ALPK1: variants seen among roughly 807,000 people sequenced by gnomAD.
ALPK1 encodes alpha kinase 1.
In ALPK1, 110 loss-of-function variants were observed where a neutral mutation model predicts 120.6. That is an observed-to-expected ratio of 0.91 (90% CI 0.78 to 1.07). ALPK1 has a LOEUF of 1.07. Among genes scored for constraint, ALPK1 ranks in the 50% least tolerant of loss-of-function variants. The pLI is 0.00. For missense variants in ALPK1, 1,498 were observed against 1,483.9 expected (o/e 1.01, Z -0.16); for synonymous variants, 582 against 560.3 (o/e 1.04, Z -0.55).
At chr4:112,423,333 C>A (rs1734081119) in intron 5 of ALPK1, among the ~76,000 whole-genome samples, 1 of 151,862 alleles carries the variant, frequency 6.6e-6, no homozygotes, top group South Asian at 2.1e-4. Context: ...AAGTAGAGGG[C>A]CAAGAAGGAA....
At chr4:112,440,605 A>G (rs1260049248) in intron 14 of ALPK1, among the ~76,000 whole-genome samples, 1 of 152,202 alleles carries the variant, frequency 6.6e-6, no homozygotes, top group African/African-American at 2.4e-5. Context: ...ATTCCATATT[A>G]TGATATTGAT....
At chr4:112,347,765 C>T (rs144004470) in intron 2 of ALPK1, among the ~76,000 whole-genome samples, 15 of 152,312 alleles carry the variant, frequency 9.8e-5, no homozygotes, top group African/African-American at 3.1e-4. Flanking sequence ...ATGCATTAAA[C>T]TTCTAAGTTA....
intron 2 of ALPK1, among the ~76,000 whole-genome samples, chr4:112,373,152 A>G (rs1731492432): frequency 6.6e-6 from 1 of 152,332 alleles, no homozygotes; most frequent in East Asian, 1.9e-4. Flanking sequence ...TCTCAATGCT[A>G]ACCTCCCATT....
chr4:112,383,003 C>T (rs1175294611), intron 4 of ALPK1: 1 of 170,204 alleles, frequency 5.9e-6, no homozygotes, highest in African/African-American at 2.4e-5. Context: ...ACCTAGGGTC[C>T]TGTTGACTTT....
intron 2 of ALPK1, among the ~76,000 whole-genome samples, chr4:112,350,103 GA>G (rs1730287339): frequency 1.3e-5 from 2 of 152,156 alleles, no homozygotes; most frequent in Non-Finnish European, 2.9e-5. Context: ...TCAAGACAGT[GA>G]AACCACAATT....
At position 112,411,948 on chromosome 4, in the gene ALPK1, G is replaced by A. The variant is rs776648904; in HGVS notation, c.398G>A (p.Gly133Asp). 12 of 1,614,022 alleles carry A rather than the reference G, an allele frequency of 7.4e-6. No individual in the cohort carries two copies. In the Admixed American group the frequency reaches 1.8e-4, roughly 25 times the overall value. Residue 133 changes from glycine to aspartate, a missense_variant, in exon 5 of 16, where the codon GGT (glycine) becomes GAT (aspartate). Gly to Asp is a moderately conservative substitution (Grantham distance 94, BLOSUM62 -1). Transcript: ENST00000650871. ...GGAAAACTTCTGCAGGTCGCCAAAG[G>A]TCTCCACAAGTTGCAGCCAGCCACG... ...VSGKLLQVAK[G>D]LHKLQPATPI...
chr4:112,333,516 C>G (rs572141141), intron 2 of ALPK1, among the ~76,000 whole-genome samples: 1 of 152,248 alleles, frequency 6.6e-6, no homozygotes, highest in African/African-American at 2.4e-5. Context: ...TTTCTAACAG[C>G]TTGACTTCCT....
intron 5 of ALPK1, among the ~76,000 whole-genome samples, chr4:112,419,476 G>GA (rs34107164): frequency 0.26 from 39,442 of 151,468 alleles, 6,030 homozygotes; most frequent in East Asian, 0.71. Flanking sequence ...GAGGAAATTA[G>GA]AAGGGAGGGA....
chr4:112,400,670 T>C (rs764936693), intron 4 of ALPK1, among the ~76,000 whole-genome samples: 1 of 151,546 alleles, frequency 6.6e-6, no homozygotes, highest in Non-Finnish European at 1.5e-5. Flanking sequence ...GATTTTACCC[T>C]CCTGCATTCA....
intron 10 of ALPK1, among the ~76,000 whole-genome samples, chr4:112,429,702 T>G (rs1318104632): frequency 6.6e-6 from 1 of 151,538 alleles, no homozygotes; most frequent in African/African-American, 2.4e-5. Context: ...TGGCCAGGTG[T>G]GGTGGTACGT....
intron 2 of ALPK1, among the ~76,000 whole-genome samples, chr4:112,328,157 GTTCTCT>G (rs1327623612): frequency 6.6e-6 from 1 of 152,238 alleles, no homozygotes; most frequent in Non-Finnish European, 1.5e-5. Flanking sequence ...ACATTAATAA[GTTCTCT>G]TTATGACCAC....
At chr4:112,398,540 C>T (rs992766415) in intron 4 of ALPK1, among the ~76,000 whole-genome samples, 3 of 152,172 alleles carry the variant, frequency 2.0e-5, no homozygotes, top group African/African-American at 4.8e-5. Flanking sequence ...CTCAAGTAAT[C>T]CTCCTGCCTC....
Position 112,441,311 on chromosome 4 carries a change from G to T in ALPK1, c.*101G>T. The T allele has an allele frequency of 1.2e-6, 1 of 856,702 alleles. No individual in the cohort carries two copies. Among genetic ancestry groups the T allele is most frequent in the African/African-American group, 1.7e-5 (1 of 60,478 alleles). The allele number at this position is 856,702 out of a possible 1,614,324, so 53.1% of individuals were successfully genotyped here. A position where few individuals can be genotyped will look rare whatever the true frequency, so the allele number is the denominator to read the frequency against. ...ATTGATCAGTATCACTTTAAGTCCT[G>T]CATTTAATTGGCAGCACAAGATCCT... On this transcript the variant is annotated 3_prime_UTR_variant, in exon 16 of 16. Coordinates refer to ENST00000650871, the MANE Select transcript of ALPK1 (RefSeq NM_025144.4).
intron 2 of ALPK1, among the ~76,000 whole-genome samples, chr4:112,325,431 C>T (rs190201466): frequency 2.0e-5 from 3 of 152,270 alleles, no homozygotes; most frequent in Admixed American, 1.3e-4. Flanking sequence ...TCTCAAGATT[C>T]CCTTGCAGGG....
chr4:112,424,130 C>A, intron 6 of ALPK1, 127 bp downstream of exon 6: 1 of 810,170 alleles, frequency 1.2e-6, no homozygotes, highest in South Asian at 1.9e-5. Flanking sequence ...GGGGCTGGCT[C>A]TGCCACTGAT....
chr4:112,370,338 T>C (rs907218740), intron 2 of ALPK1, among the ~76,000 whole-genome samples: 1 of 152,206 alleles, frequency 6.6e-6, no homozygotes, highest in Non-Finnish European at 1.5e-5. Flanking sequence ...TTTTGGGTAT[T>C]TATTCCAGAA....
At position 112,313,260 on chromosome 4, in the gene ALPK1, C is replaced by T. The variant is rs188222468; in HGVS notation, c.-152-2541C>T. Reference sequence around the variant, plus strand: ...TAGTTTGAGACTGAGCCTTTGCATACTCCAACATCAAGAGATCTAGAAGAA... The same window carrying T: ...TAGTTTGAGACTGAGCCTTTGCATATTCCAACATCAAGAGATCTAGAAGAA... On this transcript the variant is annotated intron_variant, in intron 1 of 15. Transcript: ENST00000650871. Among the ~76,000 whole-genome samples, 229 of 152,288 alleles carry T rather than the reference C, an allele frequency of 1.5e-3. 2 individuals are homozygous for T. Among genetic ancestry groups the T allele is most frequent in the Admixed American group, 0.012 (187 of 15,292 alleles).
chr4:112,410,995 A>T (rs1160821596), intron 4 of ALPK1: 3 of 154,946 alleles, frequency 1.9e-5, no homozygotes, highest in Middle Eastern at 1.0e-3. Flanking sequence ...CAGCAGAACA[A>T]TATGTTTAGT....
intron 2 of ALPK1, chr4:112,357,277 C>T (rs1047600083): frequency 2.5e-5 from 30 of 1,196,660 alleles, no homozygotes; most frequent in African/African-American, 1.1e-4. Context: ...CTGGGGTGTT[C>T]GCCAACACAG....
Sources: gnomAD v4.1 joint callset for allele counts (sites outside exome capture counted in the v4.1 genomes callset) on GRCh38, gnomAD v4.1.1 for gene constraint, MANE v1.5 for transcripts, NCBI Gene and HGNC (gene_info 2026-07-23, HGNC 2026-07-21) for gene names.